CTNND2: variants seen among roughly 807,000 people sequenced by gnomAD.
CTNND2 encodes catenin delta 2, also known as catenin delta-2.
In CTNND2, 22 loss-of-function variants were observed where a neutral mutation model predicts 144.4. That is an observed-to-expected ratio of 0.15 (90% confidence interval 0.11 to 0.22). The LOEUF (loss-of-function observed/expected upper bound fraction) is 0.22. CTNND2 is among the 10% of genes least tolerant of loss of function. The pLI, the probability that CTNND2 is intolerant of heterozygous loss-of-function variation, is 1.00. For missense variants in CTNND2, 1,353 were observed against 1,618.8 expected, an observed-to-expected ratio of 0.84 and a Z score of 2.82; for synonymous variants, 751 against 695.6, an observed-to-expected ratio of 1.08 and a Z score of -1.25.
chr5:11,680,187 GAA>G (rs1369575751), intron 2 of CTNND2, among the ~76,000 whole-genome samples: 1 of 152,108 alleles, frequency 6.6e-6, no homozygotes, highest in African/African-American at 2.4e-5. Flanking sequence ...CCAGAGCAGG[GAA>G]AAGTGAGAAC....
At chr5:10,992,184 C>T (rs1214888021) in intron 19 of CTNND2, among the ~76,000 whole-genome samples, 1 of 152,216 alleles carries the variant, frequency 6.6e-6, no homozygotes, top group African/African-American at 2.4e-5. Context: ...TCTTAACATG[C>T]TGGGATTACA....
At chr5:11,201,471 C>T (rs1003987715) in intron 10 of CTNND2, among the ~76,000 whole-genome samples, 6 of 152,182 alleles carry the variant, frequency 3.9e-5, no homozygotes, top group East Asian at 1.9e-4. Flanking sequence ...TCTTCCAATC[C>T]GGCTTACAAA....
Position 11,232,264 on chromosome 5 carries a change from T to A in CTNND2, c.1761+4427A>T, listed in dbSNP as rs77192024. ...GCCTAGTGGAGCTGTGAGAAGAGGGTCACCATCCTCCAGGACCCAGAATGG... is the reference window on the plus strand; with the variant it reads ...GCCTAGTGGAGCTGTGAGAAGAGGGACACCATCCTCCAGGACCCAGAATGG... On this transcript the variant is annotated intron_variant, in intron 10 of 21. Transcript: ENST00000304623. Among the ~76,000 whole-genome samples, 1,099 of 152,222 alleles carry A rather than the reference T, an allele frequency of 7.2e-3. 13 individuals are homozygous for A. The highest frequency in any genetic ancestry group is 0.023 in the African/African-American group (954 of 41,546).
intron 15 of CTNND2, among the ~76,000 whole-genome samples, chr5:11,086,545 C>T (rs1750165522): frequency 6.6e-6 from 1 of 152,146 alleles, no homozygotes; most frequent in Non-Finnish European, 1.5e-5. Flanking sequence ...ACATTTCTTT[C>T]CTTTCTATTT....
intron 3 of CTNND2, among the ~76,000 whole-genome samples, chr5:11,531,240 C>T (rs770261146): frequency 6.6e-6 from 1 of 152,052 alleles, no homozygotes; most frequent in Admixed American, 6.5e-5. Flanking sequence ...CAAAAGCCAG[C>T]AGCAAGGAAC....
chr5:11,313,346 GT>G (rs370483424), intron 9 of CTNND2, among the ~76,000 whole-genome samples: 212 of 152,280 alleles, frequency 1.4e-3, no homozygotes, highest in African/African-American at 4.8e-3. Context: ...CAGGGACAAG[GT>G]TTTTCCAAGG....
chr5:11,716,183 G>A (rs1466540539), intron 2 of CTNND2, among the ~76,000 whole-genome samples: 1 of 152,120 alleles, frequency 6.6e-6, no homozygotes, highest in Non-Finnish European at 1.5e-5. Context: ...AGTAACTTCC[G>A]GATTCCTTTA....
At chr5:11,674,424 A>G (rs1301740304) in intron 2 of CTNND2, among the ~76,000 whole-genome samples, 3 of 152,178 alleles carry the variant, frequency 2.0e-5, no homozygotes, top group African/African-American at 7.2e-5. Context: ...GATTTCCCCT[A>G]TACTTCCTAC....
rs1267502620 is a variant in CTNND2 at position 11,757,226 on chromosome 5, T to C, written c.38-24954A>G. 3.3e-5 allele frequency among the ~76,000 whole-genome samples: 5 copies of C among 151,448 alleles called. No homozygotes were observed. The South Asian group carries it at 1.0e-3, about 31-fold the overall frequency. ...ACATAACAAAAATGTGATGATGCTA[T>C]ATATATTGTTCTGTAACTTTTTTTC... On this transcript the variant is annotated intron_variant, in intron 1 of 21. Coordinates refer to ENST00000304623, the MANE Select transcript of CTNND2 (RefSeq NM_001332.4).
chr5:11,662,286 T>G (rs1783309352), intron 2 of CTNND2, among the ~76,000 whole-genome samples: 1 of 148,618 alleles, frequency 6.7e-6, no homozygotes, highest in Non-Finnish European at 1.5e-5. Context: ...TATATATATA[T>G]ATATAGACAG....
intron 3 of CTNND2, among the ~76,000 whole-genome samples, chr5:11,523,601 T>G (rs1289834442): frequency 6.6e-6 from 1 of 152,214 alleles, no homozygotes; most frequent in African/African-American, 2.4e-5. Flanking sequence ...AGAAGAACTT[T>G]TGATGAATTT....
At chr5:11,236,850 A>C in intron 9 of CTNND2, 27 bp from the exon 10 acceptor site, 1 of 1,613,478 alleles carries the variant, frequency 6.2e-7, no homozygotes, top group East Asian at 2.2e-5. Context: ...AAGCGGGGAG[A>C]ATATGAGAGA....
At chr5:11,008,940 G>A (rs1375632908) in intron 18 of CTNND2, among the ~76,000 whole-genome samples, 1 of 152,206 alleles carries the variant, frequency 6.6e-6, no homozygotes, top group African/African-American at 2.4e-5. Flanking sequence ...GAGATTCAGT[G>A]CCAGAGGTGA....
intron 1 of CTNND2, among the ~76,000 whole-genome samples, chr5:11,779,623 T>G (rs1435502702): frequency 6.6e-6 from 1 of 152,166 alleles, no homozygotes; most frequent in East Asian, 1.9e-4. Flanking sequence ...TATTACAGCT[T>G]CTCCTGCACT....
chr5:11,033,094 T>A (rs369770005), intron 16 of CTNND2, among the ~76,000 whole-genome samples: 23 of 152,368 alleles, frequency 1.5e-4, no homozygotes, highest in Middle Eastern at 3.4e-3. Flanking sequence ...TGCAATTTCC[T>A]GTGAATCCAT....
In CTNND2 at chr5:11,524,548, T is replaced by A. The variant is rs80079323; in HGVS notation, c.287+40396A>T. ...ACAGGGAACCCTGCATTAACACAGT[T>A]TCTTTCCCCCAACAAAGCCCTGCTC... On this transcript the variant is annotated intron_variant, in intron 3 of 21. Transcript: ENST00000304623. Among the ~76,000 whole-genome samples, 562 of 152,248 alleles carry A rather than the reference T, an allele frequency of 3.7e-3. 6 individuals are homozygous for A. The highest frequency in any genetic ancestry group is 0.013 in the African/African-American group (534 of 41,548).
chr5:11,806,823 T>C (rs2126898999), intron 1 of CTNND2, among the ~76,000 whole-genome samples: 1 of 152,136 alleles, frequency 6.6e-6, no homozygotes, highest in Middle Eastern at 3.4e-3. Flanking sequence ...GAATAATTGA[T>C]CTTAAAAAAA....
At chr5:11,251,573 C>T (rs1006601062) in intron 9 of CTNND2, among the ~76,000 whole-genome samples, 6 of 152,250 alleles carry the variant, frequency 3.9e-5, no homozygotes, top group Admixed American at 2.0e-4. Context: ...AAATATCCCT[C>T]GGAATCCCTC....
chr5:11,763,675 A>G (rs1789407696), intron 1 of CTNND2, among the ~76,000 whole-genome samples: 1 of 152,228 alleles, frequency 6.6e-6, no homozygotes, highest in Non-Finnish European at 1.5e-5. Context: ...AAATTCACTG[A>G]CACAATTTCA....
Sources: allele counts gnomAD v4.1 joint callset (sites outside exome capture counted in the v4.1 genomes callset), GRCh38; gene constraint gnomAD v4.1.1; transcripts MANE v1.5; gene names NCBI Gene and HGNC (gene_info 2026-07-23, HGNC 2026-07-21).